Variants in HPSE2 observed in about 807,000 individuals in gnomAD.
HPSE2 encodes the protein inactive heparanase-2.
In HPSE2, 38 loss-of-function variants were observed where a neutral mutation model predicts 60.5. The ratio of observed to expected loss-of-function variants is 0.63; its 90% CI spans 0.48 to 0.82. HPSE2 has a LOEUF of 0.82. Among genes scored for constraint, HPSE2 ranks in the 40% least tolerant of loss-of-function variants. The probability of loss-of-function intolerance (pLI) is 0.00; values close to 1 mark genes in which losing one functional copy is unlikely to be tolerated. For missense variants in HPSE2, 713 were observed against 740.4 expected, an observed-to-expected ratio of 0.96 and a Z score of 0.43; for synonymous variants, 295 against 293.2, an observed-to-expected ratio of 1.01 and a Z score of -0.06.
At chr10:99,167,726 T>G (rs1847138346) in intron 2 of HPSE2, among the ~76,000 whole-genome samples, 1 of 152,220 alleles carries the variant, frequency 6.6e-6, no homozygotes, top group Admixed American at 6.5e-5. Context: ...TTAGTGTGTG[T>G]GTGTGTATTC....
intron 9 of HPSE2, among the ~76,000 whole-genome samples, chr10:98,539,556 T>C (rs1431363435): frequency 6.6e-6 from 1 of 151,970 alleles, no homozygotes; most frequent in African/African-American, 2.4e-5. Flanking sequence ...AAAAAGCATG[T>C]TAACAAAGCT....
chr10:99,288,397 A>G, the HPSE2 span, among the ~76,000 whole-genome samples: 1 of 152,178 alleles, frequency 6.6e-6, no homozygotes, highest in Non-Finnish European at 1.5e-5. Context: ...TACAAAAGCA[A>G]CTAGGTATCT....
chr10:98,593,555 A>C (rs577549164), intron 9 of HPSE2, among the ~76,000 whole-genome samples: 1 of 152,174 alleles, frequency 6.6e-6, no homozygotes, highest in South Asian at 2.1e-4. Context: ...GATTCAGAAG[A>C]CTGCTGTGAT....
chr10:99,047,843 AT>A, intron 3 of HPSE2: 3 of 787,350 alleles, frequency 3.8e-6, no homozygotes, highest in Non-Finnish European at 6.8e-6. Flanking sequence ...CAGAACTGAA[AT>A]TTGAATGGCG....
intron 3 of HPSE2, among the ~76,000 whole-genome samples, chr10:98,946,646 A>G (rs552930685): frequency 6.6e-6 from 1 of 152,260 alleles, no homozygotes; most frequent in Admixed American, 6.5e-5. Context: ...TTAAAAATTG[A>G]ATGTTGTGAA....
intron 11 of HPSE2, among the ~76,000 whole-genome samples, chr10:98,481,816 T>C (rs546108626): frequency 6.6e-6 from 1 of 152,172 alleles, no homozygotes; most frequent in South Asian, 2.1e-4. Flanking sequence ...AAAAATGGAA[T>C]AGGAATGCCT....
chr10:98,702,091 C>A (rs566310037), intron 5 of HPSE2, among the ~76,000 whole-genome samples: 8 of 151,976 alleles, frequency 5.3e-5, no homozygotes, highest in Admixed American at 6.6e-5. Flanking sequence ...CACACAGGCT[C>A]AAAATAAAGG....
At chr10:99,095,714 A>G (rs1178888363) in intron 3 of HPSE2, among the ~76,000 whole-genome samples, 1 of 152,220 alleles carries the variant, frequency 6.6e-6, no homozygotes, top group African/African-American at 2.4e-5. Flanking sequence ...TGTAGCATGT[A>G]TCAATATTTC....
At chr10:99,052,491 G>A (rs1188594162) in intron 3 of HPSE2, among the ~76,000 whole-genome samples, 2 of 151,684 alleles carry the variant, frequency 1.3e-5, no homozygotes, top group African/African-American at 4.8e-5. Flanking sequence ...ATGAAATTGT[G>A]GGGGGAAATT....
chr10:99,170,659 C>A (rs1292743790), intron 2 of HPSE2, among the ~76,000 whole-genome samples: 2 of 152,192 alleles, frequency 1.3e-5, no homozygotes, highest in East Asian at 3.8e-4. Context: ...TAATACTAAT[C>A]TATACAAAGT....
In HPSE2 at chr10:98,974,047, T is replaced by C. The variant is rs1956025789; in HGVS notation, c.610+170191A>G. Among the ~76,000 whole-genome samples the C allele has an allele frequency of 2.0e-5, 3 of 151,988 alleles. No homozygotes were observed. The South Asian group carries it at 6.2e-4, about 32-fold the overall frequency. On this transcript the variant is annotated intron_variant, in intron 3 of 11. Coordinates refer to ENST00000370552, the MANE Select transcript of HPSE2 (RefSeq NM_021828.5). The stretch of plus-strand genomic sequence containing the variant: ...GGCTCACGCCTGTAATCCCAGCACT[T>C]TGGGAGGCTGAGGTGGGTGGATCAC...
chr10:98,752,663 A>C (rs1949785947), intron 3 of HPSE2, among the ~76,000 whole-genome samples: 1 of 152,218 alleles, frequency 6.6e-6, no homozygotes, highest in Non-Finnish European at 1.5e-5. Flanking sequence ...AAAGGACATC[A>C]GTATTAATAT....
At chr10:98,618,688 C>T (rs372782714) in intron 8 of HPSE2, among the ~76,000 whole-genome samples, 81 of 152,194 alleles carry the variant, frequency 5.3e-4, no homozygotes, top group African/African-American at 1.9e-3. Context: ...GCAATTCTCC[C>T]GCCTCAGCCT....
chr10:99,012,343 G>A (rs1334340636), intron 3 of HPSE2, among the ~76,000 whole-genome samples: 2 of 151,916 alleles, frequency 1.3e-5, no homozygotes, highest in South Asian at 2.1e-4. Flanking sequence ...GAATCTGATC[G>A]CTATCACATT....
At chr10:99,157,505 G>C (rs1846622989) in intron 2 of HPSE2, among the ~76,000 whole-genome samples, 1 of 111,378 alleles carries the variant, frequency 9.0e-6, no homozygotes, top group East Asian at 2.9e-4. Context: ...ATGGGGAAAG[G>C]ATTCCCTATT....
intron 9 of HPSE2, among the ~76,000 whole-genome samples, 181 bp from the exon 10 acceptor site, chr10:98,490,377 A>G (rs1248579565): frequency 6.6e-6 from 1 of 152,212 alleles, no homozygotes; most frequent in Non-Finnish European, 1.5e-5. Flanking sequence ...CCCATGAAAC[A>G]CGAACGTGGG....
intron 6 of HPSE2, among the ~76,000 whole-genome samples, chr10:98,650,261 G>A (rs983966878): frequency 9.2e-5 from 14 of 152,188 alleles, no homozygotes; most frequent in African/African-American, 3.4e-4. Context: ...GTCCTGGAAT[G>A]GCCACATGTG....
chr10:99,029,062 T>C (rs1957440202), intron 3 of HPSE2, among the ~76,000 whole-genome samples: 1 of 152,216 alleles, frequency 6.6e-6, no homozygotes, highest in Non-Finnish European at 1.5e-5. Context: ...CTCTAGCACA[T>C]TGGTCTGGGC....
chr10:98,529,770 G>T (rs1217195660), intron 9 of HPSE2, among the ~76,000 whole-genome samples: 1 of 152,120 alleles, frequency 6.6e-6, no homozygotes, highest in African/African-American at 2.4e-5. Flanking sequence ...GATTGCCACT[G>T]TACCCTTCTC....
Sources: allele counts gnomAD v4.1 joint callset (sites outside exome capture counted in the v4.1 genomes callset), GRCh38; gene constraint gnomAD v4.1.1; transcripts MANE v1.5; gene names NCBI Gene and HGNC (gene_info 2026-07-23, HGNC 2026-07-21).